EVA1A: variants seen among roughly 807,000 people sequenced by gnomAD.
The protein encoded by EVA1A is protein eva-1 homolog A.
Under a neutral mutation model 9.8 loss-of-function variants are expected in EVA1A, and 7 were observed. The ratio of observed to expected loss-of-function variants is 0.71; its 90% CI spans 0.41 to 1.34. The LOEUF is 1.34. Ranked by LOEUF, EVA1A falls within the 40% of genes most tolerant of loss-of-function variation. EVA1A has a pLI of 0.01. For missense variants in EVA1A, 206 were observed against 205.9 expected, an observed-to-expected ratio of 1.00 and a Z score of 0.00; for synonymous variants, 90 against 85.6, an observed-to-expected ratio of 1.05 and a Z score of -0.28.
chr2:75,508,095 T>A (rs976675094), intron 3 of EVA1A, among the ~76,000 whole-genome samples: 1 of 152,232 alleles, frequency 6.6e-6, no homozygotes, highest in Non-Finnish European at 1.5e-5. Context: ...TTTACTTTTA[T>A]CTCAATCCTG....
At chr2:75,555,336 T>TCTCTCTCTCTCTCTCTCC (rs766586263) in intron 1 of EVA1A, among the ~76,000 whole-genome samples, 2,218 of 101,842 alleles carry the variant, frequency 0.022, 222 homozygotes, top group Non-Finnish European at 0.038. Flanking sequence ...TCTCTCTCTC[T>TCTCTCTCTCTCTCTCTCC]CCCCCATCTC....
chr2:75,510,298 A>C lies in EVA1A; in HGVS notation c.85+7758T>G, dbSNP rs145591314. Among the ~76,000 whole-genome samples the C allele has an allele frequency of 3.9e-3, 600 of 152,334 alleles. 1 individual carries two copies. The highest frequency in any genetic ancestry group is 6.8e-3 in the Non-Finnish European group (461 of 68,032). ...ATATTAAAAAATTTACAAATTATAT[A>C]TATTAATACATGGTTACTTATATTC... On this transcript the variant is annotated intron_variant, in intron 3 of 3. Transcript: ENST00000393913.
At chr2:75,493,686 T>C in intron 3 of EVA1A, 77 bp from the exon 4 acceptor site, 2 of 1,399,500 alleles carry the variant, frequency 1.4e-6, no homozygotes, top group Non-Finnish European at 1.9e-6. Flanking sequence ...GACTCCAGCC[T>C]ACACTTCTCA....
intron 1 of EVA1A, among the ~76,000 whole-genome samples, chr2:75,569,324 C>A (rs1677082275): frequency 6.6e-6 from 1 of 152,146 alleles, no homozygotes; most frequent in Admixed American, 6.5e-5. Flanking sequence ...CCCCAACACG[C>A]CACTGAAACT....
intron 1 of EVA1A, among the ~76,000 whole-genome samples, chr2:75,544,505 G>A (rs1676256958): frequency 6.6e-6 from 1 of 152,106 alleles, no homozygotes; most frequent in South Asian, 2.1e-4. Flanking sequence ...GTGGCCGATA[G>A]CGTCCATGAT....
chr2:75,497,329 T>C (rs967772712), intron 3 of EVA1A, among the ~76,000 whole-genome samples: 2 of 152,044 alleles, frequency 1.3e-5, no homozygotes, highest in Admixed American at 6.6e-5. Context: ...TTAAAAAAAT[T>C]GAGTAAGCAA....
chr2:75,561,617 G>A (rs1676924995), upstream of EVA1A, among the ~76,000 whole-genome samples: 1 of 152,196 alleles, frequency 6.6e-6, no homozygotes, highest in African/African-American at 2.4e-5. Flanking sequence ...CATAGGGGAA[G>A]AGTGCAGGGA....
intron 1 of EVA1A, 132 bp downstream of exon 1, chr2:75,560,548 G>A (rs1206784721): frequency 6.6e-6 from 1 of 152,060 alleles, no homozygotes; most frequent in Non-Finnish European, 1.5e-5. Context: ...CAGGGACTTG[G>A]GAACAAAGCA....
chr2:75,566,363 C>CT (rs141250404), intron 1 of EVA1A, among the ~76,000 whole-genome samples: 27,649 of 151,860 alleles, frequency 0.18, 2,965 homozygotes, highest in East Asian at 0.31. Flanking sequence ...CAGGCCTTGT[C>CT]TTTTTTTTCA....
chr2:75,565,529 G>A (rs187522744), upstream of EVA1A, among the ~76,000 whole-genome samples: 16 of 152,270 alleles, frequency 1.1e-4, no homozygotes, highest in African/African-American at 3.4e-4. Flanking sequence ...TCATGTGGTA[G>A]GATGTGGGGA....
intron 3 of EVA1A, among the ~76,000 whole-genome samples, chr2:75,503,098 C>A (rs1306817801): frequency 6.6e-6 from 1 of 152,156 alleles, no homozygotes; most frequent in South Asian, 2.1e-4. Context: ...GATTCCTGGA[C>A]AAGCCCAGTA....
chr2:75,554,308 T>C lies in EVA1A; in HGVS notation c.-192+6372A>G, dbSNP rs367749364. On this transcript the variant is annotated intron_variant, in intron 1 of 3. Coordinates refer to ENST00000393913, the MANE Select transcript of EVA1A (RefSeq NM_001135032.2). Reference sequence around the variant, plus strand: ...TACTAAGCAGCATTTCCCTCTCCTCTCACCATGGAGGGCAAAGTGCAGGCT... The same window carrying C: ...TACTAAGCAGCATTTCCCTCTCCTCCCACCATGGAGGGCAAAGTGCAGGCT... Among the ~76,000 whole-genome samples the C allele has an allele frequency of 5.3e-4, 80 of 152,232 alleles. 1 individual carries two copies. Among genetic ancestry groups the C allele is most frequent in the African/African-American group, 1.8e-3 (75 of 41,526 alleles).
At chr2:75,507,213 C>T (rs887149434) in intron 3 of EVA1A, among the ~76,000 whole-genome samples, 6 of 152,136 alleles carry the variant, frequency 3.9e-5, no homozygotes, top group African/African-American at 1.2e-4. Flanking sequence ...TTGCCTAGGA[C>T]CCAACAATCA....
rs1674080293 is a variant in EVA1A at position 75,492,920 on chromosome 2, T to G, written c.*316A>C. ...AGGAATAACACAGAGCAAGGAAGTC[T>G]GCTGAAACTTCTGAGATCCTCAGAA... On this transcript the variant is annotated 3_prime_UTR_variant, in exon 4 of 4. Coordinates refer to ENST00000393913, the MANE Select transcript of EVA1A (RefSeq NM_001135032.2). 1 of 352,066 alleles carries G rather than the reference T, an allele frequency of 2.8e-6. No individual in the cohort carries two copies. Among genetic ancestry groups the G allele is most frequent in the Non-Finnish European group, 5.2e-6 (1 of 193,976 alleles). 21.8% of individuals were successfully genotyped at this position (352,066 alleles called of 1,614,324 possible).
intron 2 of EVA1A, among the ~76,000 whole-genome samples, chr2:75,521,948 G>A (rs1675246563): frequency 6.6e-6 from 1 of 152,070 alleles, no homozygotes; most frequent in Non-Finnish European, 1.5e-5. Context: ...TAAGAATGAT[G>A]GCAGAGTTAT....
chr2:75,514,139 T>C (rs188028720), intron 3 of EVA1A, among the ~76,000 whole-genome samples: 1 of 152,124 alleles, frequency 6.6e-6, no homozygotes, highest in African/African-American at 2.4e-5. Context: ...GGCGAAAACA[T>C]GATGGGGCTT....
At chr2:75,549,661 T>C (rs921211952) in intron 1 of EVA1A, among the ~76,000 whole-genome samples, 5 of 152,346 alleles carry the variant, frequency 3.3e-5, no homozygotes, top group African/African-American at 1.2e-4. Flanking sequence ...AATGATGTAC[T>C]GTTTACTTTT....
At chr2:75,507,891 G>A (rs1161223022) in intron 3 of EVA1A, among the ~76,000 whole-genome samples, 7 of 152,172 alleles carry the variant, frequency 4.6e-5, no homozygotes, top group Non-Finnish European at 7.3e-5. Context: ...GACCCTAAAC[G>A]GAAGGACCAG....
chr2:75,508,343 T>C (rs542385278), intron 3 of EVA1A, among the ~76,000 whole-genome samples: 1 of 152,290 alleles, frequency 6.6e-6, no homozygotes, highest in South Asian at 2.1e-4. Context: ...TATCGCTGAA[T>C]TCTTTTTCTC....
Sources: allele counts gnomAD v4.1 joint callset (sites outside exome capture counted in the v4.1 genomes callset), GRCh38; gene constraint gnomAD v4.1.1; transcripts MANE v1.5; gene names NCBI Gene and HGNC (gene_info 2026-07-23, HGNC 2026-07-21).